The following MAS1 variants were observed in gnomAD, a reference collection of about 807,000 sequenced individuals.
The protein encoded by MAS1 is MAS1 proto-oncogene, G protein-coupled receptor.
For synonymous variants in MAS1, 163 were observed against 164.2 expected (o/e 0.99, Z 0.05); for missense variants, 387 against 409.7 (o/e 0.94, Z 0.48).
chr6:159,906,465 C>T (rs1266884533), intron 2 of MAS1, among the ~76,000 whole-genome samples: 2 of 152,236 alleles, frequency 1.3e-5, no homozygotes, highest in African/African-American at 4.8e-5. Context: ...CAGCATTGCC[C>T]AGACATGCGT....
chr6:159,905,910 C>A (rs1011070774), intron 2 of MAS1, among the ~76,000 whole-genome samples: 2 of 152,044 alleles, frequency 1.3e-5, no homozygotes, highest in African/African-American at 4.8e-5. Context: ...GGCATTGTGG[C>A]ACGCGCCTGT....
rs979488079 is a variant in MAS1 at position 159,916,811 on chromosome 6, C to T, written c.*8878C>T. ...AGCAGCCACTCTTGGCTTTGCGGGCCGTACAGTCTGTGCTGCAATGACAAC... is the reference window on the plus strand; with the variant it reads ...AGCAGCCACTCTTGGCTTTGCGGGCTGTACAGTCTGTGCTGCAATGACAAC... On this transcript the variant is annotated 3_prime_UTR_variant, in exon 3 of 3. Transcript: ENST00000674077. 5.9e-5 allele frequency among the ~76,000 whole-genome samples: 9 copies of T among 152,226 alleles called. No individual in the cohort carries two copies. Among genetic ancestry groups the T allele is most frequent in the African/African-American group, 9.6e-5 (4 of 41,452 alleles).
chr6:159,902,112 T>G (rs748650716), intron 2 of MAS1: 1 of 151,956 alleles, frequency 6.6e-6, no homozygotes, highest in Non-Finnish European at 1.5e-5. Context: ...CTGAGAGCTC[T>G]CTCCACACAG....
chr6:159,907,716 A>G lies in MAS1; in HGVS notation c.761A>G (p.Tyr254Cys), dbSNP rs769799252. ...MRLLYLLYYE[Y>C]WSTFGNLHHI... ...CTCCTTTACCTGCTGTACTATGAGT[A>G]TTGGTCGACCTTTGGGAACCTACAC... The change falls in exon 3 of 3, where the codon TAT (tyrosine) becomes TGT (cysteine). Residue 254 changes from tyrosine to cysteine, a missense_variant. By Grantham distance (194) the Tyr-to-Cys change is radical (BLOSUM62 -2). Transcript: ENST00000674077. The G allele has an allele frequency of 3.7e-6, 6 of 1,613,442 alleles. No individual in the cohort carries two copies. Among genetic ancestry groups the G allele is most frequent in the Non-Finnish European group, 4.2e-6 (5 of 1,179,828 alleles).
At position 159,912,511 on chromosome 6, in the gene MAS1, A is replaced by G. The variant is rs1363640935; in HGVS notation, c.*4578A>G. ...AGAAGTGAAGAAAGGAGGAGGTGGG[A>G]GCAATCAAGTATTTGCTTGCTTGAT... On this transcript the variant is annotated 3_prime_UTR_variant, in exon 3 of 3. Coordinates refer to ENST00000674077, the MANE Select transcript of MAS1 (RefSeq NM_002377.4). 6.6e-6 allele frequency: 1 copy of G among 152,196 alleles called. No homozygotes were observed. The highest frequency in any genetic ancestry group is 2.4e-5 in the African/African-American group (1 of 41,458). 9.4% of individuals were successfully genotyped at this position (152,196 alleles called of 1,614,324 possible). A position where few individuals can be genotyped will look rare whatever the true frequency, so the allele number is the denominator to read the frequency against.
chr6:159,907,255 C>T lies in MAS1; in HGVS notation c.300C>T (p.Gly100=), dbSNP rs767448750. ...CTTTAGATTATGAGCTTTCTTCTGG[C>T]CATTACTACACAATTGTCACATTAT... ...DYALDYELSS[G]HYYTIVTLSV... is the part of the protein sequence containing the mutation. Residue 100 remains glycine (G), a synonymous_variant, in exon 3 of 3, where the codon GGC becomes GGT. Transcript: ENST00000674077. 2 of 1,614,180 alleles carry T rather than the reference C, an allele frequency of 1.2e-6. No homozygotes were observed. Among genetic ancestry groups the T allele is most frequent in the South Asian group, 1.1e-5 (1 of 91,082 alleles).
At chr6:159,892,133 C>T (rs139243426) in intron 1 of MAS1, among the ~76,000 whole-genome samples, 192 of 152,320 alleles carry the variant, frequency 1.3e-3, no homozygotes, top group Non-Finnish European at 1.9e-3. Context: ...GAAGTCTCTG[C>T]TTCTGCGTAC....
intron 2 of MAS1, among the ~76,000 whole-genome samples, chr6:159,902,810 C>T (rs1782837618): frequency 6.6e-6 from 1 of 152,172 alleles, no homozygotes; most frequent in Non-Finnish European, 1.5e-5. Flanking sequence ...GTTCGGACCC[C>T]TGGGCTGCTG....
chr6:159,897,866 A>C (rs1782771193), intron 1 of MAS1, among the ~76,000 whole-genome samples: 1 of 152,182 alleles, frequency 6.6e-6, no homozygotes, highest in African/African-American at 2.4e-5. Context: ...ACATAGTGGC[A>C]AAGTCACAAC....
At chr6:159,901,502 GA>G (rs1782821548) in intron 2 of MAS1, among the ~76,000 whole-genome samples, 1 of 152,198 alleles carries the variant, frequency 6.6e-6, no homozygotes, top group Non-Finnish European at 1.5e-5. Context: ...AGGAGGCTGA[GA>G]GGGGAGGATT....
At chr6:159,894,283 G>C (rs926139501) in intron 1 of MAS1, among the ~76,000 whole-genome samples, 1 of 152,004 alleles carries the variant, frequency 6.6e-6, no homozygotes, top group Non-Finnish European at 1.5e-5. Flanking sequence ...GTCAGATGTG[G>C]TGGCGGGTGC....
chr6:159,907,147 TC>T lies in MAS1; in HGVS notation c.195del (p.Phe66SerfsTer28). On this transcript the variant is annotated frameshift_variant, in exon 3 of 3. Coordinates refer to ENST00000674077, the MANE Select transcript of MAS1 (RefSeq NM_002377.4). LOFTEE classifies it low-confidence loss of function (END_TRUNC). ...WFLCFRMRRNPFTVYITHLSI... is the reference protein window; with the variant it reads ...WFLCFRMRRNXFTVYITHLSI... The stretch of plus-strand genomic sequence containing the variant: ...TCCTGTGCTTCCGGATGAGAAGAAA[TC>T]CCTTCACTGTCTACATCACCCACCT... 6.2e-7 allele frequency: 1 copy of T among 1,614,160 alleles called. No individual in the cohort carries two copies. Among genetic ancestry groups the T allele is most frequent in the Non-Finnish European group, 8.5e-7 (1 of 1,180,020 alleles).
chr6:159,906,890 G>A (rs550067184), intron 2 of MAS1, 30 bp from the exon 3 acceptor site: 18 of 1,461,306 alleles, frequency 1.2e-5, no homozygotes, highest in South Asian at 1.4e-5. Context: ...ATGGCTTTTT[G>A]TGTTTGTTTT....
At position 159,907,588 on chromosome 6, in the gene MAS1, C is replaced by T. The variant is rs220721; in HGVS notation, c.633C>T (p.Val211=). The T allele has an allele frequency of 0.24, 394,138 of 1,613,488 alleles. 54,798 individuals carry two copies. Among genetic ancestry groups the T allele is most frequent in the East Asian group, 0.68 (30,260 of 44,804 alleles). ...PLMLVSSTIL[V]VKIRKNTWAS... is the part of the protein sequence containing the mutation. ...TGCTGGTGTCCAGCACCATCTTGGT[C>T]GTGAAGATCCGGAAGAACACGTGGG... is the stretch of plus-strand genomic sequence containing the variant. The change falls in exon 3 of 3, where the codon GTC becomes GTT. Residue 211 remains valine (V), a synonymous_variant. Transcript: ENST00000674077.
rs914011933 is a variant in MAS1, at chr6:159,910,697, T to C, written c.*2764T>C. 9 of 152,194 alleles carry C rather than the reference T, an allele frequency of 5.9e-5. No individual in the cohort carries two copies. Among genetic ancestry groups the C allele is most frequent in the African/African-American group, 2.2e-4 (9 of 41,420 alleles). The allele number at this position is 152,194 out of a possible 1,614,324, so 9.4% of individuals were successfully genotyped here. A position where few individuals can be genotyped will look rare whatever the true frequency, so the allele number is the denominator to read the frequency against. On this transcript the variant is annotated 3_prime_UTR_variant, in exon 3 of 3. Coordinates refer to ENST00000674077, the MANE Select transcript of MAS1 (RefSeq NM_002377.4). ...ATTGCTTCCACCTAACCAGAAGCCA[T>C]TCCTTGCCCCACAGCCCTTTCCAGT...
chr6:159,912,227 C>T lies in MAS1; in HGVS notation c.*4294C>T, dbSNP rs972065034. On this transcript the variant is annotated 3_prime_UTR_variant, in exon 3 of 3. Coordinates refer to ENST00000674077, the MANE Select transcript of MAS1 (RefSeq NM_002377.4). ...GAGATGGAGATGGGATCGTTGGCTG[C>T]CTTCATGGAGTTGTTTAAGGAGCAC... The T allele has an allele frequency of 6.6e-6, 1 of 152,226 alleles. No homozygotes were observed. Among genetic ancestry groups the T allele is most frequent in the East Asian group, 1.9e-4 (1 of 5,196 alleles). The allele number at this position is 152,226 out of a possible 1,614,324, so 9.4% of individuals were successfully genotyped here.
rs200034611 is a variant in MAS1 at position 159,905,477 on chromosome 6, C to T, written c.-36-1443C>T. Among the ~76,000 whole-genome samples the T allele has an allele frequency of 3.9e-5, 6 of 152,290 alleles. No individual in the cohort carries two copies. The South Asian group carries it at 1.2e-3, about 32-fold the overall frequency. On this transcript the variant is annotated intron_variant, in intron 2 of 2. Transcript: ENST00000674077. ...AATGGGATAGGTGTGATTGGGACCA[C>T]GGAGGCAGTGTCCTCCTGGGTGCCT...
rs531855168 is a variant in MAS1, at chr6:159,916,883, C to T, written c.*8950C>T. On this transcript the variant is annotated 3_prime_UTR_variant, in exon 3 of 3. Coordinates refer to ENST00000674077, the MANE Select transcript of MAS1 (RefSeq NM_002377.4). ...ACACTGCTTAGATGAACGAGGATGG[C>T]GGCACGCCAACAAATTCATTATGGA... is the stretch of plus-strand genomic sequence containing the variant. 2.6e-5 allele frequency among the ~76,000 whole-genome samples: 4 copies of T among 152,358 alleles called. No homozygotes were observed. In the South Asian group the frequency reaches 6.2e-4, roughly 24 times the overall value.
At chr6:159,895,852 T>C (rs1289720745) in intron 1 of MAS1, among the ~76,000 whole-genome samples, 6 of 152,234 alleles carry the variant, frequency 3.9e-5, no homozygotes, top group African/African-American at 1.4e-4. Flanking sequence ...GTTTATACCC[T>C]TTGGTCTAGC....
Sources: gnomAD v4.1 joint callset for allele counts (sites outside exome capture counted in the v4.1 genomes callset) on GRCh38, gnomAD v4.1.1 for gene constraint, MANE v1.5 for transcripts, NCBI Gene and HGNC (gene_info 2026-07-23, HGNC 2026-07-21) for gene names.